Variants in SH3BP4 observed in about 807,000 individuals in gnomAD.
The protein encoded by SH3BP4 is SH3 domain-binding protein 4.
SH3BP4 carries 33 observed loss-of-function variants against 65.5 expected under a neutral mutation model. That is an observed-to-expected ratio of 0.50 (90% CI 0.38 to 0.67). The LOEUF (loss-of-function observed/expected upper bound fraction) is 0.67. Among genes scored for constraint, SH3BP4 ranks in the 30% least tolerant of loss-of-function variants. The probability of loss-of-function intolerance (pLI) is 0.00; values close to 1 mark genes in which losing one functional copy is unlikely to be tolerated. For missense variants in SH3BP4, 1,134 were observed against 1,261.4 expected, an observed-to-expected ratio of 0.90 and a Z score of 1.53; for synonymous variants, 552 against 545.5, an observed-to-expected ratio of 1.01 and a Z score of -0.17.
chr2:235,044,008 C>T (rs1015806792), intron 4 of SH3BP4, among the ~76,000 whole-genome samples: 1 of 152,246 alleles, frequency 6.6e-6, no homozygotes, highest in East Asian at 1.9e-4. Context: ...CCTGTGCTCT[C>T]GCCATTCAGT....
chr2:234,968,625 C>T (rs537059612), intron 1 of SH3BP4, among the ~76,000 whole-genome samples: 3 of 152,176 alleles, frequency 2.0e-5, no homozygotes, highest in Non-Finnish European at 2.9e-5. Flanking sequence ...TCGTATTTCA[C>T]GTCGCATGCC....
At chr2:234,984,005 G>C (rs1693469897) in intron 1 of SH3BP4, among the ~76,000 whole-genome samples, 1 of 152,208 alleles carries the variant, frequency 6.6e-6, no homozygotes, top group Admixed American at 6.5e-5. Context: ...GTCACGCAGG[G>C]TTCTGCGGCT....
chr2:235,027,833 C>T (rs1327811614), intron 2 of SH3BP4, among the ~76,000 whole-genome samples: 7 of 152,194 alleles, frequency 4.6e-5, no homozygotes, highest in Admixed American at 4.6e-4. Context: ...AGACCTTCTC[C>T]GCCCCAGACA....
At chr2:234,975,141 T>A (rs1297840422) in intron 1 of SH3BP4, among the ~76,000 whole-genome samples, 1 of 152,180 alleles carries the variant, frequency 6.6e-6, no homozygotes, top group African/African-American at 2.4e-5. Flanking sequence ...GTTGGAGAGC[T>A]CCTGGGGAGA....
Position 235,024,656 on chromosome 2 carries a change from T to C in SH3BP4, c.-132-10215T>C, listed in dbSNP as rs566590345. ...CCTCAGTTTTCTCATCTGTAAGATGTATGTGTGGGGCTGGCTAGCTCTGCG... is the reference window on the plus strand; with the variant it reads ...CCTCAGTTTTCTCATCTGTAAGATGCATGTGTGGGGCTGGCTAGCTCTGCG... On this transcript the variant is annotated intron_variant, in intron 2 of 5. Coordinates refer to ENST00000392011, the MANE Select transcript of SH3BP4 (RefSeq NM_014521.3). Among the ~76,000 whole-genome samples, 8 of 152,250 alleles carry C rather than the reference T, an allele frequency of 5.3e-5. No homozygotes were observed. In the South Asian group the frequency reaches 6.2e-4, roughly 12 times the overall value.
At position 235,053,762 on chromosome 2, in the gene SH3BP4, C is replaced by T. The variant is rs183312828; in HGVS notation, c.2838C>T (p.Asp946=). The part of the protein sequence containing the change: ...TGTLILVNSL[D]VLRAAAFSPA... ...CTCTGATCTTGGTGAACTCCCTGGACGTTCTGAGAGCAGCCGCCTTCAGCC... is the reference window on the plus strand; with the variant it reads ...CTCTGATCTTGGTGAACTCCCTGGATGTTCTGAGAGCAGCCGCCTTCAGCC... Residue 946 remains aspartate (D), a synonymous_variant, in exon 6 of 6, where the codon GAC becomes GAT. Transcript: ENST00000392011. The T allele has an allele frequency of 1.1e-5, 18 of 1,614,256 alleles. No homozygotes were observed. In the African/African-American group the frequency reaches 1.2e-4, roughly 11 times the overall value.
At chr2:235,006,869 A>T (rs1694312657) in intron 2 of SH3BP4, among the ~76,000 whole-genome samples, 1 of 152,138 alleles carries the variant, frequency 6.6e-6, no homozygotes, top group African/African-American at 2.4e-5. Context: ...GACAGCAGCA[A>T]CATGGCTGAT....
intron 2 of SH3BP4, among the ~76,000 whole-genome samples, chr2:235,001,605 A>G (rs754396950): frequency 5.9e-5 from 9 of 152,144 alleles, no homozygotes; most frequent in Non-Finnish European, 1.3e-4. Context: ...TCTGAAAATT[A>G]TCTTTAGGTT....
In SH3BP4 at chr2:235,046,864, A is replaced by C. The variant is rs1361252461; in HGVS notation, c.2478+3617A>C. On this transcript the variant is annotated intron_variant, in intron 4 of 5. Transcript: ENST00000392011. This position sits in a 1 kb window ranked among gnomAD's most constrained non-coding sequence, Gnocchi z 4.2. ...TTCTGTGGTTCCATTTCCTCTTTCCATTCTTTTTGTGCCTGTTTTTGATAG... is the reference window on the plus strand; with the variant it reads ...TTCTGTGGTTCCATTTCCTCTTTCCCTTCTTTTTGTGCCTGTTTTTGATAG... Among the ~76,000 whole-genome samples the C allele has an allele frequency of 6.6e-6, 1 of 152,018 alleles. No individual in the cohort carries two copies. Among genetic ancestry groups the C allele is most frequent in the Non-Finnish European group, 1.5e-5 (1 of 68,024 alleles).
chr2:235,000,840 C>G (rs1425816815), intron 2 of SH3BP4, among the ~76,000 whole-genome samples: 6 of 152,260 alleles, frequency 3.9e-5, no homozygotes, highest in Non-Finnish European at 5.9e-5. Flanking sequence ...CCAGCAGCCT[C>G]TGTGTGGGTT....
chr2:234,958,459 C>G (rs1692636096), intron 1 of SH3BP4, among the ~76,000 whole-genome samples: 1 of 151,934 alleles, frequency 6.6e-6, no homozygotes, highest in Admixed American at 6.6e-5. Flanking sequence ...GTCCTGCTGG[C>G]CAGAGGAGGG....
chr2:235,031,978 A>G (rs2106321631), intron 2 of SH3BP4, among the ~76,000 whole-genome samples: 1 of 152,354 alleles, frequency 6.6e-6, no homozygotes, highest in African/African-American at 2.4e-5. Flanking sequence ...CCTCCATGAA[A>G]TAATTCCTCC....
In SH3BP4 at chr2:235,042,407, G is replaced by T. The variant is rs748856149; in HGVS notation, c.1638G>T (p.Thr546=). 1 of 1,614,090 alleles carries T rather than the reference G, an allele frequency of 6.2e-7. No homozygotes were observed. Among genetic ancestry groups the T allele is most frequent in the African/African-American group, 1.3e-5 (1 of 75,008 alleles). The change falls in exon 4 of 6, where the codon ACG becomes ACT. Residue 546 remains threonine, a synonymous_variant. Transcript: ENST00000392011. The surrounding 1 kb of genome is among the most constrained non-coding windows in gnomAD (Gnocchi z 7.3). ...DLKVCMFSNM[T]NYEVKASEQA... ...AGGTCTGTATGTTTTCCAATATGAC[G>T]AATTACGAGGTCAAAGCCAGCGAGC...
chr2:235,027,899 G>A (rs1446780988), intron 2 of SH3BP4, among the ~76,000 whole-genome samples: 1 of 152,216 alleles, frequency 6.6e-6, no homozygotes, highest in Non-Finnish European at 1.5e-5. Flanking sequence ...GTTCCTTGGG[G>A]TAGATCATTG....
intron 3 of SH3BP4, among the ~76,000 whole-genome samples, chr2:235,038,360 ATATATAATATATATACATATATATATAT>A (rs1320610930): frequency 1.2e-4 from 1 of 8,694 alleles, no homozygotes; most frequent in South Asian, 1.7e-3. Context: ...TTATATATAT[ATATATAATATATATACATATATATATAT>A]ATATATATAT....
chr2:235,046,017 A>G lies in SH3BP4; in HGVS notation c.2478+2770A>G, dbSNP rs867919337. 6.6e-6 allele frequency among the ~76,000 whole-genome samples: 1 copy of G among 152,190 alleles called. No homozygotes were observed. Among genetic ancestry groups the G allele is most frequent in the African/African-American group, 2.4e-5 (1 of 41,532 alleles). On this transcript the variant is annotated intron_variant, in intron 4 of 5. Transcript: ENST00000392011. This position sits in a 1 kb window ranked among gnomAD's most constrained non-coding sequence, Gnocchi z 4.2. ...GGTCAGCCTTTGCCCCTGCCCCACA[A>G]AGTCGTGTAAGATCTGGCCCTACCC...
At chr2:235,016,576 C>T (rs1018704891) in intron 2 of SH3BP4, among the ~76,000 whole-genome samples, 3 of 152,102 alleles carry the variant, frequency 2.0e-5, no homozygotes, top group African/African-American at 7.2e-5. Context: ...GGCGTAATCT[C>T]GGCTCACTGC....
intron 2 of SH3BP4, among the ~76,000 whole-genome samples, chr2:235,006,011 C>G: frequency 6.6e-6 from 1 of 152,216 alleles, no homozygotes; most frequent in East Asian, 1.9e-4. Flanking sequence ...AGTAGGAAGC[C>G]GGCCCAGCCC....
chr2:234,956,109 A>G (rs563336853), intron 1 of SH3BP4, among the ~76,000 whole-genome samples: 26 of 150,970 alleles, frequency 1.7e-4, no homozygotes, highest in African/African-American at 6.2e-4. Flanking sequence ...TCTTTAAAAC[A>G]TGTGACGCTT....
Sources: allele counts gnomAD v4.1 joint callset (sites outside exome capture counted in the v4.1 genomes callset), GRCh38; gene constraint gnomAD v4.1.1; non-coding constraint Gnocchi (gnomAD v3.1); transcripts MANE v1.5; gene names NCBI Gene and HGNC (gene_info 2026-07-23, HGNC 2026-07-21).